Variants in VEPH1 observed in about 807,000 individuals in gnomAD.
VEPH1 encodes ventricular zone expressed PH domain containing 1.
A neutral mutation model predicts 85.2 loss-of-function variants in VEPH1; 80 were observed. The ratio of observed to expected loss-of-function variants is 0.94; its 90% confidence interval spans 0.78 to 1.13. The LOEUF is 1.13. Ranked by LOEUF, VEPH1 falls within the 50% of genes most tolerant of loss-of-function variation. The pLI is 0.00. For synonymous variants in VEPH1, 297 were observed against 348.0 expected (o/e 0.85, Z 1.63); for missense variants, 955 against 980.5 (o/e 0.97, Z 0.35).
chr3:157,488,637 A>G (rs1287381025), intron 2 of VEPH1, among the ~76,000 whole-genome samples: 2 of 149,828 alleles, frequency 1.3e-5, no homozygotes, highest in Admixed American at 6.7e-5. Flanking sequence ...TCCCTTGGTG[A>G]TCTCGCTCAG....
intron 5 of VEPH1, among the ~76,000 whole-genome samples, chr3:157,422,076 A>G (rs1212672398): frequency 1.3e-5 from 2 of 152,188 alleles, no homozygotes; most frequent in Non-Finnish European, 2.9e-5. Flanking sequence ...CACAAGCCAC[A>G]GCCTTGATTC....
chr3:157,353,419 C>A (rs1484221424), intron 9 of VEPH1, among the ~76,000 whole-genome samples: 2 of 152,100 alleles, frequency 1.3e-5, no homozygotes, highest in African/African-American at 4.8e-5. Flanking sequence ...AGGCATGCCA[C>A]CATTCCTAGC....
chr3:157,337,890 T>C (rs1430167199), intron 9 of VEPH1, among the ~76,000 whole-genome samples: 2 of 152,152 alleles, frequency 1.3e-5, no homozygotes, highest in African/African-American at 2.4e-5. Flanking sequence ...CTGAAGATCA[T>C]TGGATATAGA....
At chr3:157,278,326 A>C (rs1715664553) in intron 12 of VEPH1, among the ~76,000 whole-genome samples, 1 of 152,244 alleles carries the variant, frequency 6.6e-6, no homozygotes, top group Non-Finnish European at 1.5e-5. Flanking sequence ...GGTAGAAGAA[A>C]AAGTACATAT....
At chr3:157,293,777 A>T (rs1191411342) in intron 11 of VEPH1, among the ~76,000 whole-genome samples, 1 of 152,226 alleles carries the variant, frequency 6.6e-6, no homozygotes, top group Non-Finnish European at 1.5e-5. Context: ...AAGTTTTATA[A>T]ATGTTTGATA....
chr3:157,330,572 G>A (rs1431962807), intron 9 of VEPH1, among the ~76,000 whole-genome samples: 4 of 152,222 alleles, frequency 2.6e-5, no homozygotes, highest in African/African-American at 9.7e-5. Context: ...GTTGATAGAA[G>A]TAGCAGCAAA....
At chr3:157,437,385 T>C (rs1733685555) in intron 4 of VEPH1, 3 of 1,135,814 alleles carry the variant, frequency 2.6e-6, no homozygotes, top group Non-Finnish European at 3.8e-6. Context: ...TTCGGAGGTG[T>C]CCTTAAAGGG....
At chr3:157,332,263 A>G (rs1311013419) in intron 9 of VEPH1, among the ~76,000 whole-genome samples, 4 of 152,210 alleles carry the variant, frequency 2.6e-5, no homozygotes, top group Non-Finnish European at 5.9e-5. Flanking sequence ...TACCATTTTG[A>G]CCATTTTAAA....
chr3:157,422,955 A>G (rs771157782), intron 5 of VEPH1, among the ~76,000 whole-genome samples: 3 of 152,114 alleles, frequency 2.0e-5, no homozygotes, highest in African/African-American at 7.2e-5. Flanking sequence ...GTGAGCCCCA[A>G]TTGCCAAATC....
chr3:157,449,466 C>T (rs6774952), intron 4 of VEPH1, among the ~76,000 whole-genome samples: 17,032 of 152,206 alleles, frequency 0.11, 3,240 homozygotes, highest in African/African-American at 0.39. Context: ...CTAGCATATA[C>T]ACAGTTTCCA....
At chr3:157,497,636 C>A (rs1195131756) in intron 1 of VEPH1, among the ~76,000 whole-genome samples, 1 of 152,100 alleles carries the variant, frequency 6.6e-6, no homozygotes, top group Non-Finnish European at 1.5e-5. Flanking sequence ...TTCAACTGCC[C>A]CAGTCATAGA....
intron 2 of VEPH1, among the ~76,000 whole-genome samples, chr3:157,472,114 A>C (rs1283463739): frequency 6.6e-6 from 1 of 152,220 alleles, no homozygotes; most frequent in African/African-American, 2.4e-5. Flanking sequence ...GCACATGCAG[A>C]TATTATCCAC....
intron 9 of VEPH1, among the ~76,000 whole-genome samples, chr3:157,362,405 A>T (rs1176873224): frequency 6.6e-6 from 1 of 152,044 alleles, no homozygotes; most frequent in Non-Finnish European, 1.5e-5. Flanking sequence ...CCTGTTTAAA[A>T]TTTTTTATTT....
chr3:157,432,525 C>T (rs538595112), intron 4 of VEPH1, among the ~76,000 whole-genome samples: 2 of 152,094 alleles, frequency 1.3e-5, no homozygotes, highest in Admixed American at 6.5e-5. Flanking sequence ...TCTTTGTATA[C>T]AAATAATTTT....
intron 12 of VEPH1, among the ~76,000 whole-genome samples, chr3:157,275,482 A>G (rs1414935315): frequency 1.3e-5 from 2 of 152,136 alleles, no homozygotes; most frequent in African/African-American, 2.4e-5. Flanking sequence ...AGACTGAGGC[A>G]GGAAAATTGC....
intron 6 of VEPH1, among the ~76,000 whole-genome samples, chr3:157,386,996 A>G (rs1329111013): frequency 6.6e-6 from 1 of 152,232 alleles, no homozygotes; most frequent in African/African-American, 2.4e-5. Context: ...GGAGTCAAAT[A>G]AATATTTTCT....
intron 9 of VEPH1, among the ~76,000 whole-genome samples, chr3:157,343,583 A>G (rs1443551696): frequency 6.6e-6 from 1 of 152,210 alleles, no homozygotes; most frequent in Non-Finnish European, 1.5e-5. Context: ...TTCACAGCCG[A>G]ATTCTACCAG....
chr3:157,400,436 A>G (rs1001655416), intron 6 of VEPH1, among the ~76,000 whole-genome samples: 1 of 152,188 alleles, frequency 6.6e-6, no homozygotes, highest in Middle Eastern at 3.2e-3. Context: ...GGAACTTAGT[A>G]TATCTTTCCC....
At chr3:157,285,385 C>G (rs1716640453) in intron 12 of VEPH1, 1 of 152,170 alleles carries the variant, frequency 6.6e-6, no homozygotes, top group Admixed American at 6.5e-5. Context: ...TCTGAGAGCC[C>G]TACACATCTC....
Sources: gnomAD v4.1 joint callset for allele counts (sites outside exome capture counted in the v4.1 genomes callset) on GRCh38, gnomAD v4.1.1 for gene constraint, MANE v1.5 for transcripts, NCBI Gene and HGNC (gene_info 2026-07-23, HGNC 2026-07-21) for gene names.